STC1: variants seen among roughly 807,000 people sequenced by gnomAD.
STC1 encodes the protein stanniocalcin-1.
Under a neutral mutation model 22.6 loss-of-function variants are expected in STC1, and 7 were observed. That is an observed-to-expected ratio of 0.31 (90% CI 0.18 to 0.58). STC1 has a LOEUF of 0.58. STC1 is among the 20% of genes least tolerant of loss of function. STC1 has a pLI of 0.89. For missense variants in STC1, 224 were observed against 311.0 expected (o/e 0.72, Z 2.10); for synonymous variants, 113 against 120.7 (o/e 0.94, Z 0.42).
chr8:23,850,536 G>A (rs1019839763), intron 3 of STC1, among the ~76,000 whole-genome samples: 10 of 152,182 alleles, frequency 6.6e-5, no homozygotes, highest in African/African-American at 2.4e-4. Context: ...ATGAACTGAG[G>A]ATGCCAGCTG....
At chr8:23,851,561 C>T in intron 2 of STC1, 30 bp from the exon 3 acceptor site, 1 of 1,609,012 alleles carries the variant, frequency 6.2e-7, no homozygotes, top group Non-Finnish European at 8.5e-7. Flanking sequence ...AGAGGGAGGT[C>T]TTTAGCTTGA....
At position 23,854,750 on chromosome 8, in the gene STC1, C is replaced by A. The variant is rs551631298; in HGVS notation, c.-227G>T. Reference sequence around the variant, plus strand: ...CCGCTGCTGCTGCTGCTGCCACCGCCGCTGCTGCTGCTGCTGCTGCAGTCG... The same window carrying A: ...CCGCTGCTGCTGCTGCTGCCACCGCAGCTGCTGCTGCTGCTGCTGCAGTCG... On this transcript the variant is annotated 5_prime_UTR_variant, in exon 1 of 4. Coordinates refer to ENST00000290271, the MANE Select transcript of STC1 (RefSeq NM_003155.3). 1.1e-4 allele frequency: 71 copies of A among 634,532 alleles called. No individual in the cohort carries two copies. The East Asian group carries it at 1.7e-3, about 16-fold the overall frequency. 39.3% of individuals were successfully genotyped at this position (634,532 alleles called of 1,614,324 possible). A position where few individuals can be genotyped will look rare whatever the true frequency, so the allele number is the denominator to read the frequency against.
Position 23,845,049 on chromosome 8 carries a change from A to G in STC1, c.474-9T>C. On this transcript the variant is annotated splice_polypyrimidine_tract_variant and intron_variant, in intron 3 of 3. Coordinates refer to ENST00000290271, the MANE Select transcript of STC1 (RefSeq NM_003155.3). ...CAAGTCTGTTATAGTATCTGCATCA[A>G]GAAAGAGAGTGCATATGGTGGTCAC... 6.2e-7 allele frequency: 1 copy of G among 1,613,428 alleles called. No individual in the cohort carries two copies. Among genetic ancestry groups the G allele is most frequent in the Non-Finnish European group, 8.5e-7 (1 of 1,179,608 alleles).
rs1802517798 is a variant in STC1, at chr8:23,842,083, G to A, written c.*2687C>T. 6.6e-6 allele frequency: 1 copy of A among 152,496 alleles called. No individual in the cohort carries two copies. Among genetic ancestry groups the A allele is most frequent in the Non-Finnish European group, 1.5e-5 (1 of 68,026 alleles). The allele number at this position is 152,496 out of a possible 1,614,324, so 9.4% of individuals were successfully genotyped here. On this transcript the variant is annotated 3_prime_UTR_variant, in exon 4 of 4. Transcript: ENST00000290271. ...GTTTCATAACCTTTATATGCACATGGAGCTTAAAAATGTAATTTAACAATA... is the reference window on the plus strand; with the variant it reads ...GTTTCATAACCTTTATATGCACATGAAGCTTAAAAATGTAATTTAACAATA...
chr8:23,854,376 G>A, intron 1 of STC1, 30 bp downstream of exon 1: 1 of 1,592,244 alleles, frequency 6.3e-7, no homozygotes, highest in Non-Finnish European at 8.6e-7. Context: ...GCTCTTTGGG[G>A]GAGAAACCGC....
chr8:23,842,675 TGGGAAGTGTGGGA>T lies in STC1; in HGVS notation c.*2082_*2094del, dbSNP rs1802528105. ...CAGAGAAGTCAGCCTTGCCTGGGGG[TGGGAAGTGTGGGA>T]GGGAGGGGAAGAGTCTAACTTAGAA... On this transcript the variant is annotated 3_prime_UTR_variant, in exon 4 of 4. Coordinates refer to ENST00000290271, the MANE Select transcript of STC1 (RefSeq NM_003155.3). 6.6e-6 allele frequency: 1 copy of T among 150,896 alleles called. No homozygotes were observed. The highest frequency in any genetic ancestry group is 6.6e-5 in the Admixed American group (1 of 15,108). 9.3% of individuals were successfully genotyped at this position (150,896 alleles called of 1,614,324 possible).
In STC1 at chr8:23,854,388, CT is replaced by C; in HGVS notation, c.118+17del. On this transcript the variant is annotated intron_variant, in intron 1 of 3. Transcript: ENST00000290271. The stretch of plus-strand genomic sequence containing the variant: ...ACAGCTCTTTGGGGGAGAAACCGCT[CT>C]TGGGTTTGCTGCTTACCTGAGTTTT... 1 of 1,610,392 alleles carries C rather than the reference CT, an allele frequency of 6.2e-7. No individual in the cohort carries two copies. The highest frequency in any genetic ancestry group is 8.5e-7 in the Non-Finnish European group (1 of 1,176,640).
At chr8:23,854,374 G>C (rs746186416) in intron 1 of STC1, 32 bp downstream of exon 1, 8 of 1,584,226 alleles carry the variant, frequency 5.0e-6, no homozygotes, top group East Asian at 2.2e-5. Flanking sequence ...CAGCTCTTTG[G>C]GGGAGAAACC....
intron 3 of STC1, among the ~76,000 whole-genome samples, chr8:23,850,827 A>T (rs1802629350): frequency 6.6e-6 from 1 of 151,456 alleles, no homozygotes; most frequent in East Asian, 1.9e-4. Context: ...GCTCTGGGCT[A>T]CCCAGTGAAA....
At chr8:23,852,533 G>T in intron 1 of STC1, 149 bp from the exon 2 acceptor site, 1 of 781,120 alleles carries the variant, frequency 1.3e-6, no homozygotes, top group Non-Finnish European at 2.0e-6. Context: ...AGACCCATTT[G>T]ATTGAGAAAG....
intron 2 of STC1, among the ~76,000 whole-genome samples, chr8:23,851,798 C>T (rs955268839): frequency 6.6e-5 from 10 of 152,078 alleles, no homozygotes; most frequent in African/African-American, 2.4e-4. Context: ...CATTCTGCAG[C>T]TTAAAAATAG....
Position 23,851,425 on chromosome 8 carries a change from T to C in STC1, c.368A>G (p.Glu123Gly). 6.2e-7 allele frequency: 1 copy of C among 1,614,104 alleles called. No individual in the cohort carries two copies. Among genetic ancestry groups the C allele is most frequent in the Non-Finnish European group, 8.5e-7 (1 of 1,180,018 alleles). The part of the protein sequence containing the change: ...RCSTFQRMIA[E>G]VQEECYSKLN... ...CTTGCTGTAGCACTCTTCCTGCACC[T>C]CAGCAATCATCCTTTGGAAAGTGGA... Residue 123 changes from glutamate to glycine, a missense_variant, in exon 3 of 4, where the codon GAG becomes GGG. By Grantham distance (98) the Glu-to-Gly change is moderately conservative (BLOSUM62 -2). Coordinates refer to ENST00000290271, the MANE Select transcript of STC1 (RefSeq NM_003155.3).
In STC1 at chr8:23,851,526, T is replaced by C; in HGVS notation, c.267A>G (p.Lys89=). ...ATTTTAAGCTCTCTTTGACGAATGC[T>C]TTTCCCTGCCATGGAGGAAGGACAA... is the stretch of plus-strand genomic sequence containing the variant. The part of the protein sequence containing the change: ...YSAAKFDTQG[K]AFVKESLKCI... Residue 89 remains lysine (K), a synonymous_variant, in exon 3 of 4, where the codon AAA becomes AAG. Coordinates refer to ENST00000290271, the MANE Select transcript of STC1 (RefSeq NM_003155.3). 6.2e-7 allele frequency: 1 copy of C among 1,613,996 alleles called. No individual in the cohort carries two copies. Among genetic ancestry groups the C allele is most frequent in the African/African-American group, 1.3e-5 (1 of 74,992 alleles).
At position 23,844,738 on chromosome 8, in the gene STC1, G is replaced by A. The variant is rs760529418; in HGVS notation, c.*32C>T. 5 of 1,607,028 alleles carry A rather than the reference G, an allele frequency of 3.1e-6. No homozygotes were observed. Among genetic ancestry groups the A allele is most frequent in the South Asian group, 1.1e-5 (1 of 90,860 alleles). On this transcript the variant is annotated 3_prime_UTR_variant, in exon 4 of 4. Coordinates refer to ENST00000290271, the MANE Select transcript of STC1 (RefSeq NM_003155.3). ...TGTCAACACCCCTAAAATGATACTA[G>A]TTTGGTGAGGTTGTGAATAACCTCT...
intron 1 of STC1, 39 bp from the exon 2 acceptor site, chr8:23,852,423 G>A: frequency 6.4e-7 from 1 of 1,555,094 alleles, no homozygotes; most frequent in Non-Finnish European, 8.7e-7. Context: ...GTCAAACAGT[G>A]AGGAATGGCT....
chr8:23,851,762 G>GA (rs1419309688), intron 2 of STC1, among the ~76,000 whole-genome samples: 6 of 150,570 alleles, frequency 4.0e-5, no homozygotes, highest in Admixed American at 2.0e-4. Flanking sequence ...TGAAATTACA[G>GA]AAAAAAAAGA....
chr8:23,849,009 C>T (rs1802605899), intron 3 of STC1, among the ~76,000 whole-genome samples: 1 of 152,192 alleles, frequency 6.6e-6, no homozygotes, highest in South Asian at 2.1e-4. Context: ...GCATAGTCTG[C>T]AAATTCAGGC....
chr8:23,847,969 T>C (rs1437364787), intron 3 of STC1, among the ~76,000 whole-genome samples: 1 of 152,200 alleles, frequency 6.6e-6, no homozygotes, highest in Non-Finnish European at 1.5e-5. Flanking sequence ...AGAAATCAAA[T>C]AGCTTGGCTC....
At chr8:23,854,113 C>T in intron 1 of STC1, 2 of 1,231,474 alleles carry the variant, frequency 1.6e-6, no homozygotes, top group South Asian at 2.2e-5. Context: ...CTTTCCTCCC[C>T]TCTCACCCCT....
Sources: gnomAD v4.1 joint callset for allele counts (sites outside exome capture counted in the v4.1 genomes callset) on GRCh38, gnomAD v4.1.1 for gene constraint, MANE v1.5 for transcripts, NCBI Gene and HGNC (gene_info 2026-07-23, HGNC 2026-07-21) for gene names.